The following GOLM1 variants were observed in gnomAD, a reference collection of about 807,000 sequenced individuals.
GOLM1 encodes the protein golgi membrane protein 1.
In GOLM1, 31 loss-of-function variants were observed where a neutral mutation model predicts 50.5. That is an observed-to-expected ratio of 0.61 (90% CI 0.46 to 0.83). GOLM1 has a LOEUF of 0.83. Among genes scored for constraint, GOLM1 ranks in the 40% least tolerant of loss-of-function variants. GOLM1 has a pLI of 0.00. For missense variants in GOLM1, 491 were observed against 501.3 expected, an observed-to-expected ratio of 0.98 and a Z score of 0.20; for synonymous variants, 178 against 192.8, an observed-to-expected ratio of 0.92 and a Z score of 0.64.
intron 3 of GOLM1, among the ~76,000 whole-genome samples, chr9:86,061,476 T>G (rs1398217258): frequency 6.6e-6 from 1 of 151,988 alleles, no homozygotes; most frequent in Non-Finnish European, 1.5e-5. Flanking sequence ...AGCTCACTAA[T>G]GAGGATAAAG....
chr9:86,050,159 G>A (rs1050754245), intron 4 of GOLM1, among the ~76,000 whole-genome samples: 5 of 152,132 alleles, frequency 3.3e-5, no homozygotes, highest in Admixed American at 3.3e-4. Flanking sequence ...TTAATATGAT[G>A]GATTATGTTT....
chr9:86,077,630 A>C, intron 2 of GOLM1, 39 bp from the exon 3 acceptor site: 1 of 1,514,744 alleles, frequency 6.6e-7, no homozygotes, highest in South Asian at 1.1e-5. Flanking sequence ...ATGCCAAGTT[A>C]CCTGAGGAGC....
chr9:86,042,919 T>G (rs1335582578), intron 5 of GOLM1, among the ~76,000 whole-genome samples: 1 of 152,132 alleles, frequency 6.6e-6, no homozygotes, highest in Non-Finnish European at 1.5e-5. Context: ...AGGACTTAGG[T>G]TGGCTTTTTC....
At chr9:86,033,233 A>C in intron 9 of GOLM1, 49 bp downstream of exon 9, 1 of 1,009,096 alleles carries the variant, frequency 9.9e-7, no homozygotes, top group Non-Finnish European at 1.6e-6. Context: ...AAGGACCAGG[A>C]AAGAGAAATG....
intron 1 of GOLM1, among the ~76,000 whole-genome samples, chr9:86,085,443 CAA>C (rs1393180061): frequency 8.0e-6 from 1 of 124,510 alleles, no homozygotes; most frequent in African/African-American, 3.4e-5. Context: ...AAATTTTGCC[CAA>C]AGTTTTTGTT....
intron 1 of GOLM1, among the ~76,000 whole-genome samples, chr9:86,090,359 C>G (rs1835138208): frequency 1.3e-5 from 2 of 152,276 alleles, no homozygotes; most frequent in South Asian, 4.1e-4. Flanking sequence ...TACCCCTTCC[C>G]CCAGGTGCTC....
At chr9:86,048,404 G>A (rs1180729584) in intron 4 of GOLM1, among the ~76,000 whole-genome samples, 2 of 152,128 alleles carry the variant, frequency 1.3e-5, no homozygotes, top group East Asian at 1.9e-4. Flanking sequence ...TGGGATGGCT[G>A]GGTCAAATGG....
chr9:86,026,622 T>G lies in GOLM1; in HGVS notation c.*1195A>C. 2.0e-6 allele frequency: 2 copies of G among 984,074 alleles called. No homozygotes were observed. The highest frequency in any genetic ancestry group is 2.4e-6 in the Non-Finnish European group (2 of 828,704). 61.0% of individuals were successfully genotyped at this position (984,074 alleles called of 1,614,324 possible). ...CTCCTACTTACCCCTTAGAGAGCCTTACTGGGAAGTCAGTCATTAATGATG... is the reference window on the plus strand; with the variant it reads ...CTCCTACTTACCCCTTAGAGAGCCTGACTGGGAAGTCAGTCATTAATGATG... On this transcript the variant is annotated 3_prime_UTR_variant, in exon 10 of 10. Transcript: ENST00000388712.
chr9:86,041,388 G>A (rs1833343878), intron 5 of GOLM1, among the ~76,000 whole-genome samples: 1 of 152,190 alleles, frequency 6.6e-6, no homozygotes, highest in Admixed American at 6.5e-5. Context: ...CTCCAGGGAA[G>A]GGAGGAGTGG....
intron 3 of GOLM1, among the ~76,000 whole-genome samples, chr9:86,063,042 C>T (rs763847783): frequency 3.3e-5 from 5 of 152,222 alleles, no homozygotes; most frequent in Admixed American, 6.5e-5. Flanking sequence ...TGCCCCTCAG[C>T]TCTTCCCGCT....
chr9:86,035,594 C>T lies in GOLM1; in HGVS notation c.789G>A (p.Glu263=). ...EETNEIQVVN[E]EPQRDRLPQE... Reference sequence around the variant, plus strand: ...GCGGCAGCCTGTCCCTCTGAGGCTCCTCATTCACCACCTGGATCTCATTGG... The same window carrying T: ...GCGGCAGCCTGTCCCTCTGAGGCTCTTCATTCACCACCTGGATCTCATTGG... The change falls in exon 8 of 10, where the codon GAG becomes GAA. Residue 263 remains glutamate, a synonymous_variant. Coordinates refer to ENST00000388712, the MANE Select transcript of GOLM1 (RefSeq NM_016548.4). 6.2e-7 allele frequency: 1 copy of T among 1,604,560 alleles called. No homozygotes were observed. The highest frequency in any genetic ancestry group is 8.5e-7 in the Non-Finnish European group (1 of 1,179,066).
intron 1 of GOLM1, chr9:86,079,610 C>T (rs536474615): frequency 1.2e-4 from 37 of 308,298 alleles, no homozygotes; most frequent in African/African-American, 7.3e-4. Context: ...CAGATTAGCT[C>T]GAGACCTGGG....
intron 4 of GOLM1, among the ~76,000 whole-genome samples, chr9:86,050,559 A>G (rs1021900931): frequency 6.6e-6 from 1 of 152,196 alleles, no homozygotes; most frequent in Non-Finnish European, 1.5e-5. Context: ...TGGTCTATTC[A>G]GAGATTCAAC....
chr9:86,053,432 C>G (rs1833845173), intron 3 of GOLM1, among the ~76,000 whole-genome samples: 3 of 129,652 alleles, frequency 2.3e-5, no homozygotes, highest in African/African-American at 8.7e-5. Flanking sequence ...CCACACCACA[C>G]CACACACCAT....
chr9:86,064,780 C>T (rs908570964), intron 3 of GOLM1, among the ~76,000 whole-genome samples: 3 of 152,220 alleles, frequency 2.0e-5, no homozygotes, highest in African/African-American at 4.8e-5. Context: ...TGGGGGACAG[C>T]GCTGCTGACT....
At chr9:86,073,239 A>G (rs1186885971) in intron 3 of GOLM1, among the ~76,000 whole-genome samples, 1 of 152,130 alleles carries the variant, frequency 6.6e-6, no homozygotes, top group Non-Finnish European at 1.5e-5. Flanking sequence ...AAAAAAGTAC[A>G]TGTATGAATA....
At chr9:86,030,288 C>A (rs1832936442) in intron 9 of GOLM1, among the ~76,000 whole-genome samples, 1 of 143,074 alleles carries the variant, frequency 7.0e-6, no homozygotes, top group South Asian at 2.3e-4. Context: ...TGCTCAAGAA[C>A]ATAAATGAGT....
At chr9:86,051,435 CGTT>C (rs1564346121) in intron 4 of GOLM1, among the ~76,000 whole-genome samples, 1 of 151,912 alleles carries the variant, frequency 6.6e-6, no homozygotes, top group East Asian at 1.9e-4. Context: ...CTTTCTGTCT[CGTT>C]GATCTGTCTA....
At chr9:86,090,599 G>A (rs959452169) in intron 1 of GOLM1, among the ~76,000 whole-genome samples, 6 of 151,926 alleles carry the variant, frequency 3.9e-5, no homozygotes, top group Admixed American at 1.3e-4. Flanking sequence ...TACCAAGCTC[G>A]AGCATCCCGG....
Sources: gnomAD v4.1 joint callset for allele counts (sites outside exome capture counted in the v4.1 genomes callset) on GRCh38, gnomAD v4.1.1 for gene constraint, MANE v1.5 for transcripts, NCBI Gene and HGNC (gene_info 2026-07-23, HGNC 2026-07-21) for gene names.